PLEKHB2: variants seen among roughly 807,000 people sequenced by gnomAD.
The protein encoded by PLEKHB2 is pleckstrin homology domain containing B2, also known as pleckstrin homology domain-containing family B member 2.
PLEKHB2 carries 31 observed loss-of-function variants against 36.5 expected under a neutral mutation model. The ratio of observed to expected loss-of-function variants is 0.85; its 90% CI spans 0.64 to 1.15. The LOEUF (loss-of-function observed/expected upper bound fraction) is 1.15, where lower values mean the gene tolerates loss of function less well. Among genes scored for constraint, PLEKHB2 ranks in the 50% most tolerant of loss-of-function variants. The pLI is 0.00. For missense variants in PLEKHB2, 262 were observed against 295.3 expected, an observed-to-expected ratio of 0.89 and a Z score of 0.83; for synonymous variants, 119 against 112.0, an observed-to-expected ratio of 1.06 and a Z score of -0.39.
At chr2:131,110,989 A>G (rs1695254975) in intron 1 of PLEKHB2, among the ~76,000 whole-genome samples, 2 of 151,968 alleles carry the variant, frequency 1.3e-5, no homozygotes, top group Non-Finnish European at 2.9e-5. Flanking sequence ...TGGTTTATTT[A>G]TGAAATTCTC....
intron 2 of PLEKHB2, among the ~76,000 whole-genome samples, chr2:131,124,056 G>A (rs551518275): frequency 1.3e-4 from 20 of 152,096 alleles, no homozygotes; most frequent in African/African-American, 4.8e-4. Context: ...TGTAGTCCAG[G>A]CTGGTCTCAA....
intron 6 of PLEKHB2, among the ~76,000 whole-genome samples, chr2:131,138,014 C>T (rs1194972559): frequency 7.0e-6 from 1 of 143,478 alleles, no homozygotes; most frequent in Non-Finnish European, 1.5e-5. Context: ...CAGAGATGCT[C>T]ATTTTTTTTT....
At position 131,132,965 on chromosome 2, in the gene PLEKHB2, A is replaced by C. The variant is rs983684226; in HGVS notation, c.397A>C (p.Thr133Pro). The C allele has an allele frequency of 6.2e-7, 1 of 1,613,910 alleles. No individual in the cohort carries two copies. The highest frequency in any genetic ancestry group is 2.2e-5 in the East Asian group (1 of 44,882). Residue 133 changes from threonine to proline, a missense_variant, in exon 6 of 8, where the codon ACG becomes CCG. Thr to Pro is a conservative substitution (Grantham distance 38). Coordinates refer to ENST00000693505, the MANE Select transcript of PLEKHB2 (RefSeq NM_001100623.2). ...TSVVSSPPPY[T>P]AYAAPAPEQA... Reference sequence around the variant, plus strand: ...CGTGGTTTCCTCACCTCCACCATACACGGCCTATGCTGCACCGGCCCCTGA... The same window carrying C: ...CGTGGTTTCCTCACCTCCACCATACCCGGCCTATGCTGCACCGGCCCCTGA...
Position 131,149,219 on chromosome 2 carries a change from ACT to A in PLEKHB2, c.*2448_*2449del, listed in dbSNP as rs1168230463. On this transcript the variant is annotated 3_prime_UTR_variant, in exon 8 of 8. Transcript: ENST00000693505. ...CAGGTATTTTATTTCCTTGGCCACA[ACT>A]CCCATAGATGCCAATGTTTTGATAG... is the stretch of plus-strand genomic sequence containing the variant. The A allele has an allele frequency of 3.9e-5, 6 of 152,164 alleles. No homozygotes were observed. In the South Asian group the frequency reaches 6.2e-4, roughly 16 times the overall value. The allele number at this position is 152,164 out of a possible 1,614,324, so 9.4% of individuals were successfully genotyped here.
rs1012017702 is a variant in PLEKHB2, at chr2:131,148,477, C to G, written c.*1704C>G. 6.6e-6 allele frequency: 1 copy of G among 152,216 alleles called. No homozygotes were observed. The highest frequency in any genetic ancestry group is 1.5e-5 in the Non-Finnish European group (1 of 68,052). The allele number at this position is 152,216 out of a possible 1,614,324, so 9.4% of individuals were successfully genotyped here. A position where few individuals can be genotyped will look rare whatever the true frequency, so the allele number is the denominator to read the frequency against. Reference sequence around the variant, plus strand: ...GCACAGCGAATGTCCCTGCCCCACACTCCATATGGTCCTGTTTTCCTGAAA... The same window carrying G: ...GCACAGCGAATGTCCCTGCCCCACAGTCCATATGGTCCTGTTTTCCTGAAA... On this transcript the variant is annotated 3_prime_UTR_variant, in exon 8 of 8. Coordinates refer to ENST00000693505, the MANE Select transcript of PLEKHB2 (RefSeq NM_001100623.2).
chr2:131,146,761 T>A lies in PLEKHB2; in HGVS notation c.657T>A (p.Phe219Leu). ...CGGGCATGGCCTTAGGGTCTCTATT[T>A]TGGGTCTTCTAGGGGCCTCAAGGTC... ...AATGMALGSL[F>L]WVF The change falls in exon 8 of 8, where the codon TTT (phenylalanine) becomes TTA (leucine). Residue 219 changes from phenylalanine to leucine, a missense_variant. Transcript: ENST00000693505. 2 of 1,608,566 alleles carry A rather than the reference T, an allele frequency of 1.2e-6. No homozygotes were observed. The highest frequency in any genetic ancestry group is 1.7e-6 in the Non-Finnish European group (2 of 1,177,396).
intron 7 of PLEKHB2, among the ~76,000 whole-genome samples, chr2:131,142,105 C>T (rs181776839): frequency 8.5e-5 from 13 of 152,144 alleles, no homozygotes; most frequent in Non-Finnish European, 1.5e-4. Flanking sequence ...AGTTTAGATA[C>T]GCCGATTCAC....
chr2:131,107,037 A>G (rs997757601), intron 1 of PLEKHB2, among the ~76,000 whole-genome samples: 2 of 152,148 alleles, frequency 1.3e-5, no homozygotes, highest in Non-Finnish European at 2.9e-5. Context: ...ACTCCTTGGG[A>G]AGGTGGAGGT....
At chr2:131,125,644 G>T in intron 2 of PLEKHB2, 109 bp from the exon 3 acceptor site, 2 of 852,198 alleles carry the variant, frequency 2.3e-6, no homozygotes, top group South Asian at 1.8e-5. Context: ...GTTCAAGGCT[G>T]CAGTGACCTA....
At chr2:131,112,681 C>T (rs1464046661) in intron 1 of PLEKHB2, among the ~76,000 whole-genome samples, 1 of 152,094 alleles carries the variant, frequency 6.6e-6, no homozygotes, top group Non-Finnish European at 1.5e-5. Flanking sequence ...TTGTACCACA[C>T]ATTCCAGGAA....
chr2:131,110,039 T>C (rs12612348), intron 1 of PLEKHB2, among the ~76,000 whole-genome samples: 43,407 of 151,628 alleles, frequency 0.29, 10,414 homozygotes, highest in African/African-American at 0.66. Flanking sequence ...GGCATGAACC[T>C]GGGAGGTGGA....
At chr2:131,135,186 C>T (rs1043955985) in intron 6 of PLEKHB2, among the ~76,000 whole-genome samples, 1 of 151,976 alleles carries the variant, frequency 6.6e-6, no homozygotes, top group Non-Finnish European at 1.5e-5. Flanking sequence ...ATTCTCCTGC[C>T]TCAGCCTCCT....
In PLEKHB2 at chr2:131,148,891, A is replaced by C. The variant is rs1024735407; in HGVS notation, c.*2118A>C. On this transcript the variant is annotated 3_prime_UTR_variant, in exon 8 of 8. Transcript: ENST00000693505. Reference sequence around the variant, plus strand: ...TACACTTTACTTAAAAACTATTAACAGTTTTTCATGTTGCACTGGTGGTAA... The same window carrying C: ...TACACTTTACTTAAAAACTATTAACCGTTTTTCATGTTGCACTGGTGGTAA... 6.6e-6 allele frequency: 1 copy of C among 152,208 alleles called. No individual in the cohort carries two copies. Among genetic ancestry groups the C allele is most frequent in the Non-Finnish European group, 1.5e-5 (1 of 68,034 alleles). The allele number at this position is 152,208 out of a possible 1,614,324, so 9.4% of individuals were successfully genotyped here. A position where few individuals can be genotyped will look rare whatever the true frequency, so the allele number is the denominator to read the frequency against.
At chr2:131,136,240 C>T (rs1698246494) in intron 6 of PLEKHB2, among the ~76,000 whole-genome samples, 2 of 146,642 alleles carry the variant, frequency 1.4e-5, no homozygotes, top group Non-Finnish European at 3.0e-5. Flanking sequence ...CCCCTGACCC[C>T]CTGAGAGATG....
chr2:131,121,018 A>C (rs1381719617), intron 2 of PLEKHB2, 40 bp downstream of exon 2: 1 of 1,597,112 alleles, frequency 6.3e-7, no homozygotes, highest in African/African-American at 1.3e-5. Context: ...GCATTGCCGA[A>C]GGGCAGTCTC....
At chr2:131,128,999 A>G (rs1573583915) in intron 4 of PLEKHB2, among the ~76,000 whole-genome samples, 1 of 152,292 alleles carries the variant, frequency 6.6e-6, no homozygotes, top group South Asian at 2.1e-4. Context: ...TCAGTTGGGG[A>G]ATTTTGCAAC....
At chr2:131,145,550 G>T (rs1001002648) in intron 7 of PLEKHB2, among the ~76,000 whole-genome samples, 2 of 152,072 alleles carry the variant, frequency 1.3e-5, no homozygotes, top group African/African-American at 4.8e-5. Flanking sequence ...GGCCAGGCTG[G>T]TCTAAAACTT....
intron 1 of PLEKHB2, among the ~76,000 whole-genome samples, chr2:131,116,490 G>A (rs1398294375): frequency 6.6e-6 from 1 of 152,184 alleles, no homozygotes; most frequent in East Asian, 1.9e-4. Context: ...CATGGCTGTG[G>A]AGGCCTCAGA....
rs375908203 is a variant in PLEKHB2, at chr2:131,138,491, T to C, written c.424-1676T>C. 1.0e-3 allele frequency among the ~76,000 whole-genome samples: 152 copies of C among 152,314 alleles called. 1 individual carries two copies. Among genetic ancestry groups the C allele is most frequent in the African/African-American group, 3.4e-3 (140 of 41,554 alleles). Reference sequence around the variant, plus strand: ...TTTAAGTACTGTAAGACTCTGAATCTTATTTAAATCTCATGTTTTAGCAGA... The same window carrying C: ...TTTAAGTACTGTAAGACTCTGAATCCTATTTAAATCTCATGTTTTAGCAGA... On this transcript the variant is annotated intron_variant, in intron 6 of 7. Coordinates refer to ENST00000693505, the MANE Select transcript of PLEKHB2 (RefSeq NM_001100623.2).
Sources: gnomAD v4.1 joint callset for allele counts (sites outside exome capture counted in the v4.1 genomes callset) on GRCh38, gnomAD v4.1.1 for gene constraint, MANE v1.5 for transcripts, NCBI Gene and HGNC (gene_info 2026-07-23, HGNC 2026-07-21) for gene names.